ATG16L1: variants seen among roughly 807,000 people sequenced by gnomAD.
The protein encoded by ATG16L1 is autophagy related 16 like 1.
ATG16L1 carries 37 observed loss-of-function variants against 88.5 expected under a neutral mutation model. That is an observed-to-expected ratio of 0.42 (90% CI 0.32 to 0.55). The LOEUF is 0.55. Ranked by LOEUF, ATG16L1 falls within the 20% of genes least tolerant of loss-of-function variation. The probability of loss-of-function intolerance (pLI) is 0.13; values close to 1 mark genes in which losing one functional copy is unlikely to be tolerated. For missense variants in ATG16L1, 554 were observed against 752.8 expected (o/e 0.74, Z 3.09); for synonymous variants, 301 against 281.0 (o/e 1.07, Z -0.71).
intron 5 of ATG16L1, among the ~76,000 whole-genome samples, chr2:233,268,868 A>G (rs1215563432): frequency 1.3e-5 from 2 of 152,218 alleles, no homozygotes; most frequent in Non-Finnish European, 2.9e-5. Context: ...CATTTTGAGA[A>G]TTACCACCGT....
rs1698140236 is a variant in ATG16L1 at position 233,273,702 on chromosome 2, A to G, written c.795-19A>G. 3 of 1,613,376 alleles carry G rather than the reference A, an allele frequency of 1.9e-6. No individual in the cohort carries two copies. Among genetic ancestry groups the G allele is most frequent in the South Asian group, 1.1e-5 (1 of 90,970 alleles). The stretch of plus-strand genomic sequence containing the variant: ...CAAAATGTTTCTAAGGTTTAAACCT[A>G]TCCTCCCCTCCTCTTTAGTAAGCGA... On this transcript the variant is annotated intron_variant, in intron 7 of 17. Transcript: ENST00000392017.
At chr2:233,254,699 A>T (rs1696652573) in intron 1 of ATG16L1, among the ~76,000 whole-genome samples, 1 of 152,214 alleles carries the variant, frequency 6.6e-6, no homozygotes, top group Non-Finnish European at 1.5e-5. Context: ...GGTGGATTTT[A>T]AACCATAATT....
intron 1 of ATG16L1, among the ~76,000 whole-genome samples, chr2:233,252,356 C>T (rs1380882954): frequency 6.6e-6 from 1 of 152,064 alleles, no homozygotes; most frequent in Non-Finnish European, 1.5e-5. Flanking sequence ...ACTTACTTCC[C>T]TTACTCCACC....
At chr2:233,288,209 G>A (rs761990902) in intron 12 of ATG16L1, among the ~76,000 whole-genome samples, 2 of 152,118 alleles carry the variant, frequency 1.3e-5, no homozygotes, top group African/African-American at 2.4e-5. Context: ...CGAAGTTTTC[G>A]CTTCTGTGCT....
intron 4 of ATG16L1, 57 bp downstream of exon 4, chr2:233,264,122 C>A: frequency 1.3e-6 from 2 of 1,581,446 alleles, no homozygotes; most frequent in South Asian, 1.1e-5. Context: ...GTCCTTTGTT[C>A]TGCTGACCTC....
chr2:233,255,352 T>C (rs1186742067), intron 1 of ATG16L1, among the ~76,000 whole-genome samples: 1 of 152,214 alleles, frequency 6.6e-6, no homozygotes, highest in Non-Finnish European at 1.5e-5. Flanking sequence ...TTTATTATGT[T>C]TGGAAAGAGA....
Position 233,263,980 on chromosome 2 carries a change from T to C in ATG16L1, c.316-12T>C. The C allele has an allele frequency of 6.2e-7, 1 of 1,613,316 alleles. No homozygotes were observed. The highest frequency in any genetic ancestry group is 8.5e-7 in the Non-Finnish European group (1 of 1,179,494). On this transcript the variant is annotated splice_polypyrimidine_tract_variant and intron_variant, in intron 3 of 17. Coordinates refer to ENST00000392017, the MANE Select transcript of ATG16L1 (RefSeq NM_030803.7). The stretch of plus-strand genomic sequence containing the variant: ...ATTTTTATTTATGAAAGTATTCTTC[T>C]TTATCTCCCAGTTAGCTCAACTGGT...
In ATG16L1 at chr2:233,272,946, TG is replaced by T. The variant is rs748673593; in HGVS notation, c.708-19del. The T allele has an allele frequency of 6.3e-7, 1 of 1,599,790 alleles. No individual in the cohort carries two copies. Among genetic ancestry groups the T allele is most frequent in the Non-Finnish European group, 8.6e-7 (1 of 1,166,918 alleles). On this transcript the variant is annotated intron_variant, in intron 6 of 17. Transcript: ENST00000392017. The stretch of plus-strand genomic sequence containing the variant: ...AGAACTGTTCAGGAGAATCAAAGAA[TG>T]TCTTGCCTTTCTTTCCAGGGATGAT...
At chr2:233,260,145 T>C (rs1276749693) in intron 2 of ATG16L1, among the ~76,000 whole-genome samples, 1 of 152,214 alleles carries the variant, frequency 6.6e-6, no homozygotes, top group Non-Finnish European at 1.5e-5. Context: ...TAATTAACCG[T>C]AAAACACTGC....
chr2:233,270,972 T>TA (rs1697952691), intron 6 of ATG16L1, among the ~76,000 whole-genome samples: 1 of 152,226 alleles, frequency 6.6e-6, no homozygotes, highest in Non-Finnish European at 1.5e-5. Context: ...ACTAACGTCT[T>TA]AATTTACAAA....
chr2:233,269,870 T>A (rs1182666825), intron 5 of ATG16L1, 132 bp from the exon 6 acceptor site: 1 of 789,976 alleles, frequency 1.3e-6, no homozygotes, highest in African/African-American at 1.8e-5. Context: ...CTTTTGAGTA[T>A]TTTGCTCAGG....
At chr2:233,293,419 A>G (rs1699599120) in intron 17 of ATG16L1, 62 bp downstream of exon 17, 2 of 1,459,622 alleles carry the variant, frequency 1.4e-6, no homozygotes, top group African/African-American at 1.4e-5. Context: ...ACTTCATCTC[A>G]GGGGTCATCC....
At chr2:233,292,527 C>A in intron 16 of ATG16L1, 93 bp downstream of exon 16, 1 of 1,484,576 alleles carries the variant, frequency 6.7e-7, no homozygotes, top group South Asian at 1.2e-5. Flanking sequence ...AAATTTTGTT[C>A]AGTGCCCAAC....
chr2:233,263,898 ATTCT>A, intron 3 of ATG16L1, 90 bp from the exon 4 acceptor site: 1 of 1,261,496 alleles, frequency 7.9e-7, no homozygotes, highest in South Asian at 1.3e-5. Flanking sequence ...CAGCTCATTT[ATTCT>A]TTCTTAAAAA....
chr2:233,282,603 T>A, intron 11 of ATG16L1, 79 bp from the exon 12 acceptor site: 1 of 1,265,474 alleles, frequency 7.9e-7, no homozygotes. Context: ...TGTACTTGAT[T>A]ATTGGGGAAT....
intron 7 of ATG16L1, 136 bp from the exon 8 acceptor site, chr2:233,273,585 T>G (rs1698132830): frequency 1.3e-6 from 1 of 769,670 alleles, no homozygotes; most frequent in Non-Finnish European, 2.2e-6. Flanking sequence ...GGTACTGTGT[T>G]GGGTTTCTCT....
At chr2:233,261,314 G>C (rs1039698606) in intron 2 of ATG16L1, among the ~76,000 whole-genome samples, 1 of 152,178 alleles carries the variant, frequency 6.6e-6, no homozygotes, top group East Asian at 1.9e-4. Flanking sequence ...TGGAAGGTGG[G>C]TCCACATCTT....
chr2:233,283,841 A>G (rs1421228250), intron 12 of ATG16L1, among the ~76,000 whole-genome samples: 2 of 134,916 alleles, frequency 1.5e-5, no homozygotes, highest in African/African-American at 5.6e-5. Context: ...CCAGCAAGAT[A>G]CATTTCTTTT....
chr2:233,282,815 A>C, intron 12 of ATG16L1, 62 bp downstream of exon 12: 2 of 1,482,106 alleles, frequency 1.3e-6, no homozygotes, highest in South Asian at 2.3e-5. Flanking sequence ...ATCAAGGCAC[A>C]AACTGGCAGG....
Sources: allele counts gnomAD v4.1 joint callset (sites outside exome capture counted in the v4.1 genomes callset), GRCh38; gene constraint gnomAD v4.1.1; transcripts MANE v1.5; gene names NCBI Gene and HGNC (gene_info 2026-07-23, HGNC 2026-07-21).